The following RARB variants were observed in gnomAD, a reference collection of about 807,000 sequenced individuals.
RARB encodes retinoic acid receptor beta.
Under a neutral mutation model 51.9 loss-of-function variants are expected in RARB, and 17 were observed. The observed-to-expected ratio is 0.33, with a 90% CI of 0.22 to 0.49. RARB has a LOEUF of 0.49. RARB is among the 20% of genes least tolerant of loss of function. The pLI is 0.99. For synonymous variants in RARB, 215 were observed against 195.4 expected, an observed-to-expected ratio of 1.10 and a Z score of -0.84; for missense variants, 369 against 550.8, an observed-to-expected ratio of 0.67 and a Z score of 3.30.
intron 4 of RARB, among the ~76,000 whole-genome samples, chr3:25,173,655 C>G (rs1700684855): frequency 6.6e-6 from 1 of 151,988 alleles, no homozygotes; most frequent in Non-Finnish European, 1.5e-5. Flanking sequence ...CCTAAAAAAG[C>G]AAGAAAAAAA....
intron 2 of RARB, among the ~76,000 whole-genome samples, chr3:24,926,722 A>G (rs1162960941): frequency 6.6e-6 from 1 of 152,026 alleles, no homozygotes; most frequent in Non-Finnish European, 1.5e-5. Flanking sequence ...GGACAGGCAT[A>G]TATAAATATA....
intron 3 of RARB, among the ~76,000 whole-genome samples, chr3:25,127,349 C>G (rs149713577): frequency 3.9e-5 from 6 of 152,134 alleles, no homozygotes; most frequent in Non-Finnish European, 8.8e-5. Flanking sequence ...CAGCAGGCCA[C>G]GCTCCTTCCT....
intron 2 of RARB, among the ~76,000 whole-genome samples, chr3:24,880,940 A>T (rs1703146933): frequency 6.6e-6 from 1 of 152,136 alleles, no homozygotes; most frequent in South Asian, 2.1e-4. Flanking sequence ...GTTCTTTGGG[A>T]TCTAATATGG....
intron 3 of RARB, among the ~76,000 whole-genome samples, chr3:25,084,087 TA>T (rs1699060790): frequency 6.6e-6 from 1 of 152,204 alleles, no homozygotes; most frequent in African/African-American, 2.4e-5. Context: ...AATGACTCAG[TA>T]AGACCCCTAA....
intron 3 of RARB, among the ~76,000 whole-genome samples, chr3:25,536,802 G>A (rs1159315158): frequency 6.6e-6 from 1 of 152,192 alleles, no homozygotes; most frequent in Admixed American, 6.5e-5. Context: ...GGGGTAAGTG[G>A]CAGAGGGTTC....
chr3:24,917,668 C>T lies in RARB; in HGVS notation c.-380+58916C>T, dbSNP rs1055126701. 3.3e-5 allele frequency among the ~76,000 whole-genome samples: 5 copies of T among 152,278 alleles called. No individual in the cohort carries two copies. The East Asian group carries it at 9.7e-4, about 29-fold the overall frequency. ...GCCTCAGCCTCCCAAGTAGCTGGGACTACAGGCGTGTGCCATGCCTGCTAA... is the reference window on the plus strand; with the variant it reads ...GCCTCAGCCTCCCAAGTAGCTGGGATTACAGGCGTGTGCCATGCCTGCTAA... On this transcript the variant is annotated intron_variant, in intron 2 of 11. Transcript: ENST00000383772.
At chr3:25,504,959 AGTTGGCCAGGCTATTCATCAT>A (rs1449980152) in intron 3 of RARB, among the ~76,000 whole-genome samples, 2 of 152,010 alleles carry the variant, frequency 1.3e-5, no homozygotes, top group East Asian at 3.9e-4. Context: ...CGTTTCATCA[AGTTGGCCAGGCTATTCATCAT>A]GTTGGCCAGG....
intron 5 of RARB, among the ~76,000 whole-genome samples, chr3:25,185,621 A>AT (rs576978270): frequency 4.6e-5 from 7 of 151,932 alleles, no homozygotes; most frequent in Admixed American, 6.6e-5. Context: ...TTAGTAAATC[A>AT]TTTTTTTTAT....
chr3:25,515,349 T>G (rs1032946859), intron 3 of RARB, among the ~76,000 whole-genome samples: 10 of 152,174 alleles, frequency 6.6e-5, no homozygotes, highest in Admixed American at 6.5e-5. Flanking sequence ...AAGCCAAAGT[T>G]TGGAAAACTC....
chr3:25,402,269 G>A (rs1707284426), intron 5 of RARB, among the ~76,000 whole-genome samples: 1 of 152,188 alleles, frequency 6.6e-6, no homozygotes, highest in African/African-American at 2.4e-5. Flanking sequence ...CTATGAATTT[G>A]TTGATGGTTT....
chr3:25,263,060 A>C (rs1471011239), intron 5 of RARB, among the ~76,000 whole-genome samples: 1 of 152,206 alleles, frequency 6.6e-6, no homozygotes, highest in Non-Finnish European at 1.5e-5. Flanking sequence ...TCTAGGGATC[A>C]GCACAGAAGG....
intron 5 of RARB, among the ~76,000 whole-genome samples, chr3:25,207,285 G>C (rs968532216): frequency 6.6e-6 from 1 of 152,074 alleles, no homozygotes; most frequent in East Asian, 1.9e-4. Context: ...CCTCCCCTGT[G>C]CCCATCTACC....
At chr3:25,113,338 T>C (rs112635515) in intron 3 of RARB, among the ~76,000 whole-genome samples, 317 of 152,336 alleles carry the variant, frequency 2.1e-3, no homozygotes, top group Middle Eastern at 0.014. Context: ...ACAATATGTT[T>C]TAGCATCACT....
intron 5 of RARB, among the ~76,000 whole-genome samples, chr3:25,331,704 A>C (rs1704901637): frequency 6.6e-6 from 1 of 152,236 alleles, no homozygotes; most frequent in Non-Finnish European, 1.5e-5. Context: ...TAGAGACACA[A>C]AAAACCCTTC....
chr3:25,594,143 C>G (rs980145510), intron 6 of RARB, among the ~76,000 whole-genome samples: 1 of 152,066 alleles, frequency 6.6e-6, no homozygotes. Context: ...CCCTACTGGC[C>G]TATAGGAGGC....
intron 2 of RARB, among the ~76,000 whole-genome samples, chr3:25,044,951 G>A (rs539219167): frequency 6.6e-6 from 1 of 152,216 alleles, no homozygotes; most frequent in East Asian, 1.9e-4. Context: ...GTTTGAAGGG[G>A]GAATCATGAA....
At chr3:24,839,016 G>C (rs1178555804) in intron 1 of RARB, among the ~76,000 whole-genome samples, 3 of 151,688 alleles carry the variant, frequency 2.0e-5, no homozygotes, top group Non-Finnish European at 4.4e-5. Flanking sequence ...TTTGGCTTGT[G>C]GGCTGCCGGT....
intron 5 of RARB, among the ~76,000 whole-genome samples, chr3:25,367,829 A>AAAAAAAAAAAAAC (rs1706173354): frequency 6.7e-6 from 1 of 149,234 alleles, no homozygotes; most frequent in Admixed American, 6.7e-5. Flanking sequence ...AAAAAAAAAC[A>AAAAAAAAAAAAAC]AAAACAAAAC....
chr3:25,031,438 A>G (rs1024533475), intron 2 of RARB, among the ~76,000 whole-genome samples: 2 of 152,184 alleles, frequency 1.3e-5, no homozygotes, highest in Admixed American at 6.5e-5. Flanking sequence ...TGATCATTTT[A>G]GTGAAAATAT....
Sources: gnomAD v4.1 joint callset for allele counts (sites outside exome capture counted in the v4.1 genomes callset) on GRCh38, gnomAD v4.1.1 for gene constraint, MANE v1.5 for transcripts, NCBI Gene and HGNC (gene_info 2026-07-23, HGNC 2026-07-21) for gene names.